Variants in CACNA1D observed in about 807,000 individuals in gnomAD.
CACNA1D encodes calcium voltage-gated channel subunit alpha1 D.
Under a neutral mutation model 257.1 loss-of-function variants are expected in CACNA1D, and 55 were observed. The observed-to-expected ratio is 0.21, with a 90% CI of 0.17 to 0.27. CACNA1D has a LOEUF of 0.27. CACNA1D is among the 10% of genes least tolerant of loss of function. The probability of loss-of-function intolerance (pLI) is 1.00; values close to 1 mark genes in which losing one functional copy is unlikely to be tolerated. For missense variants in CACNA1D, 1,876 were observed against 2,784.0 expected, an observed-to-expected ratio of 0.67 and a Z score of 7.34; for synonymous variants, 980 against 1,014.9, an observed-to-expected ratio of 0.97 and a Z score of 0.65.
At chr3:53,683,855 A>G (rs1158573324) in intron 8 of CACNA1D, among the ~76,000 whole-genome samples, 1 of 152,158 alleles carries the variant, frequency 6.6e-6, no homozygotes, top group African/African-American at 2.4e-5. Flanking sequence ...AAAGAGATTG[A>G]GGAAGAAAAA....
At chr3:53,788,875 G>A (rs1284410188) in intron 40 of CACNA1D, among the ~76,000 whole-genome samples, 1 of 152,144 alleles carries the variant, frequency 6.6e-6, no homozygotes, top group East Asian at 1.9e-4. Context: ...CGGCCACTTG[G>A]ATGCAGGGTC....
intron 3 of CACNA1D, among the ~76,000 whole-genome samples, chr3:53,610,493 C>T (rs1206029785): frequency 1.3e-5 from 2 of 152,172 alleles, no homozygotes. Context: ...AAATGTTCCT[C>T]TTTCTCCCTG....
chr3:53,801,491 G>A (rs2095535674), intron 42 of CACNA1D, 66 bp downstream of exon 42: 1 of 1,596,846 alleles, frequency 6.3e-7, no homozygotes, highest in East Asian at 2.2e-5. Flanking sequence ...TAGTCCCAAG[G>A]AGCAAGGCGG....
intron 3 of CACNA1D, among the ~76,000 whole-genome samples, chr3:53,534,369 G>T (rs890579740): frequency 8.5e-5 from 13 of 152,146 alleles, no homozygotes; most frequent in African/African-American, 2.4e-4. Flanking sequence ...AGCCTTGTAC[G>T]TCCAGAGCAT....
chr3:53,601,415 G>A (rs9866078), intron 3 of CACNA1D, among the ~76,000 whole-genome samples: 87,524 of 152,144 alleles, frequency 0.58, 27,238 homozygotes, highest in African/African-American at 0.83. Flanking sequence ...GTTAAGAACA[G>A]CTGGTTTAGT....
At chr3:53,549,470 T>C (rs1365659620) in intron 3 of CACNA1D, among the ~76,000 whole-genome samples, 1 of 152,048 alleles carries the variant, frequency 6.6e-6, no homozygotes, top group Non-Finnish European at 1.5e-5. Context: ...TGAACAGAAA[T>C]GATTACTTTT....
chr3:53,693,585 T>C (rs535654628), intron 8 of CACNA1D, among the ~76,000 whole-genome samples: 1 of 152,202 alleles, frequency 6.6e-6, no homozygotes, highest in Non-Finnish European at 1.5e-5. Flanking sequence ...GCATTCTGTT[T>C]CATTTCCTTC....
In CACNA1D at chr3:53,691,984, A is replaced by G. The variant is rs114783088; in HGVS notation, c.1221-10657A>G. Among the ~76,000 whole-genome samples, 721 of 123,006 alleles carry G rather than the reference A, an allele frequency of 5.9e-3. 6 individuals are homozygous for G. Among genetic ancestry groups the G allele is most frequent in the African/African-American group, 0.021 (678 of 32,244 alleles). The allele number at this position is 123,006 out of a possible 152,430, so 80.7% of individuals were successfully genotyped here. A position where few individuals can be genotyped will look rare whatever the true frequency, so the allele number is the denominator to read the frequency against. ...GACTCCTGCTTGTTTTTGTTTATCA[A>G]TGGCACGATGGGTGTAGTTTTAGGT... On this transcript the variant is annotated intron_variant, in intron 8 of 47. Coordinates refer to ENST00000350061, the MANE Select transcript of CACNA1D (RefSeq NM_001128840.3).
At chr3:53,516,372 C>T (rs1166442910) in intron 3 of CACNA1D, among the ~76,000 whole-genome samples, 1 of 152,188 alleles carries the variant, frequency 6.6e-6, no homozygotes, top group Non-Finnish European at 1.5e-5. Context: ...ATGATTTTTT[C>T]CCTTATTGTG....
At chr3:53,620,347 G>A (rs1444419059) in intron 3 of CACNA1D, among the ~76,000 whole-genome samples, 1 of 152,204 alleles carries the variant, frequency 6.6e-6, no homozygotes, top group Non-Finnish European at 1.5e-5. Flanking sequence ...CTGGAGTGCA[G>A]TGGTGTGATC....
chr3:53,744,965 A>G, intron 23 of CACNA1D, 138 bp downstream of exon 23: 2 of 644,038 alleles, frequency 3.1e-6, no homozygotes, highest in South Asian at 1.8e-5. Context: ...CAATTCAGCC[A>G]CCTGTGCCAA....
intron 46 of CACNA1D, 22 bp downstream of exon 46, chr3:53,808,792 GC>G: frequency 6.2e-7 from 1 of 1,603,464 alleles, no homozygotes. Context: ...ACCTGGCCTT[GC>G]CCCCACACCT....
intron 45 of CACNA1D, 102 bp from the exon 46 acceptor site, chr3:53,808,546 TC>T: frequency 7.1e-7 from 1 of 1,402,470 alleles, no homozygotes; most frequent in Non-Finnish European, 1.0e-6. Flanking sequence ...GCATGCTTCT[TC>T]CTGGGCTCGT....
chr3:53,798,841 T>A (rs764010477), intron 40 of CACNA1D, among the ~76,000 whole-genome samples: 1 of 152,184 alleles, frequency 6.6e-6, no homozygotes, highest in East Asian at 1.9e-4. Flanking sequence ...CTGGCCAGAC[T>A]GCAGCCACCA....
At chr3:53,643,728 G>A (rs554517661) in intron 3 of CACNA1D, among the ~76,000 whole-genome samples, 4 of 152,230 alleles carry the variant, frequency 2.6e-5, no homozygotes, top group Non-Finnish European at 4.4e-5. Context: ...GGCACCTGGG[G>A]CCCTTTGTGT....
intron 9 of CACNA1D, among the ~76,000 whole-genome samples, chr3:53,709,274 C>G (rs931471368): frequency 6.6e-6 from 1 of 152,194 alleles, no homozygotes; most frequent in Non-Finnish European, 1.5e-5. Flanking sequence ...CTTCTTCACA[C>G]AACTCTGTGA....
At chr3:53,681,034 C>T (rs530821781) in intron 8 of CACNA1D, among the ~76,000 whole-genome samples, 1 of 152,180 alleles carries the variant, frequency 6.6e-6, no homozygotes, top group Non-Finnish European at 1.5e-5. Context: ...TAAGTATTCT[C>T]CACCCATATG....
chr3:53,810,346 A>G (rs1182618063), intron 47 of CACNA1D, 48 bp downstream of exon 47: 2 of 1,576,686 alleles, frequency 1.3e-6, no homozygotes, highest in East Asian at 2.2e-5. Flanking sequence ...CAGGAGCAGC[A>G]GAGGTGCAAC....
chr3:53,540,461 C>G (rs1169693358), intron 3 of CACNA1D, among the ~76,000 whole-genome samples: 1 of 151,734 alleles, frequency 6.6e-6, no homozygotes, highest in Non-Finnish European at 1.5e-5. Flanking sequence ...AGGACGTCTT[C>G]CTCCACTTTG....
Sources: allele counts gnomAD v4.1 joint callset (sites outside exome capture counted in the v4.1 genomes callset), GRCh38; gene constraint gnomAD v4.1.1; transcripts MANE v1.5; gene names NCBI Gene and HGNC (gene_info 2026-07-23, HGNC 2026-07-21).